Variants in LARS2 observed in about 807,000 individuals in gnomAD.
LARS2 encodes leucyl-tRNA synthetase 2, mitochondrial, also known as leucine--tRNA ligase, mitochondrial.
In LARS2, 81 loss-of-function variants were observed where a neutral mutation model predicts 116.6. The observed-to-expected ratio is 0.69, with a 90% CI of 0.58 to 0.84. The LOEUF is 0.84. Among genes scored for constraint, LARS2 ranks in the 40% least tolerant of loss-of-function variants. The pLI is 0.00. For missense variants in LARS2, 968 were observed against 1,114.5 expected (o/e 0.87, Z 1.87); for synonymous variants, 396 against 407.2 (o/e 0.97, Z 0.33).
At chr3:45,513,031 AG>A (rs1700311900) in intron 15 of LARS2, 103 bp from the exon 16 acceptor site, 1 of 774,418 alleles carries the variant, frequency 1.3e-6, no homozygotes, top group Admixed American at 1.8e-5. Flanking sequence ...TGCTTTTATG[AG>A]GGGCAGCTAC....
intron 7 of LARS2, among the ~76,000 whole-genome samples, chr3:45,457,451 G>T (rs1699231905): frequency 1.3e-5 from 2 of 152,198 alleles, no homozygotes; most frequent in Admixed American, 1.3e-4. Flanking sequence ...GGCCAAGGCG[G>T]GTGGATCACC....
intron 5 of LARS2, 56 bp downstream of exon 5, chr3:45,417,629 T>G (rs1323605919): frequency 7.9e-7 from 1 of 1,259,698 alleles, no homozygotes; most frequent in African/African-American, 1.5e-5. Context: ...TAAAAAATTT[T>G]TTTAACCTGT....
intron 15 of LARS2, among the ~76,000 whole-genome samples, chr3:45,503,262 C>G (rs2125742606): frequency 6.6e-6 from 1 of 152,198 alleles, no homozygotes. Context: ...AGGAGAAATA[C>G]TTTTCTTTCC....
At chr3:45,510,013 C>T (rs1000187804) in intron 15 of LARS2, among the ~76,000 whole-genome samples, 3 of 152,048 alleles carry the variant, frequency 2.0e-5, no homozygotes, top group Non-Finnish European at 4.4e-5. Flanking sequence ...ATCCCCCACC[C>T]CTGCTGCTGG....
intron 15 of LARS2, among the ~76,000 whole-genome samples, chr3:45,505,702 G>T (rs1183846646): frequency 6.6e-6 from 1 of 151,822 alleles, no homozygotes; most frequent in Non-Finnish European, 1.5e-5. Context: ...AAAAAAGTTG[G>T]GGGAATAGCT....
At chr3:45,503,284 A>G (rs1448254881) in intron 15 of LARS2, among the ~76,000 whole-genome samples, 2 of 152,016 alleles carry the variant, frequency 1.3e-5, no homozygotes, top group Admixed American at 1.3e-4. Context: ...CCTATACATC[A>G]CCATGGTCAA....
chr3:45,419,147 A>G (rs1378857986), intron 5 of LARS2, among the ~76,000 whole-genome samples: 1 of 152,190 alleles, frequency 6.6e-6, no homozygotes, highest in Non-Finnish European at 1.5e-5. Flanking sequence ...TCCATGTTAT[A>G]TTATAAGTTG....
intron 12 of LARS2, among the ~76,000 whole-genome samples, chr3:45,491,259 A>C (rs1308548546): frequency 1.3e-5 from 2 of 152,262 alleles, no homozygotes; most frequent in Non-Finnish European, 2.9e-5. Flanking sequence ...CAGAAGAAAA[A>C]AATGAACTTT....
intron 6 of LARS2, among the ~76,000 whole-genome samples, chr3:45,430,936 T>G (rs1308368591): frequency 6.6e-6 from 1 of 152,166 alleles, no homozygotes; most frequent in African/African-American, 2.4e-5. Flanking sequence ...CCTCTAAAAT[T>G]CATATATTGA....
intron 4 of LARS2, among the ~76,000 whole-genome samples, chr3:45,407,418 G>A (rs1698250088): frequency 6.6e-6 from 1 of 152,168 alleles, no homozygotes; most frequent in Non-Finnish European, 1.5e-5. Context: ...ACGAACTGCT[G>A]GTCCAGTGCC....
chr3:45,450,871 A>G (rs187409151), intron 7 of LARS2, among the ~76,000 whole-genome samples: 3 of 152,310 alleles, frequency 2.0e-5, no homozygotes, highest in South Asian at 2.1e-4. Flanking sequence ...ATCTTTTAAT[A>G]GAAGCCATTT....
intron 6 of LARS2, among the ~76,000 whole-genome samples, chr3:45,432,329 C>T (rs1559467327): frequency 6.6e-6 from 1 of 152,098 alleles, no homozygotes. Context: ...ACAGAACACT[C>T]TACATGACAA....
chr3:45,477,176 T>C (rs1300575015), intron 10 of LARS2, among the ~76,000 whole-genome samples: 1 of 152,224 alleles, frequency 6.6e-6, no homozygotes, highest in African/African-American at 2.4e-5. Context: ...TATCAAGTTG[T>C]ACTTGGTCTG....
intron 15 of LARS2, among the ~76,000 whole-genome samples, chr3:45,503,843 A>C (rs1700159006): frequency 6.6e-6 from 1 of 152,062 alleles, no homozygotes; most frequent in African/African-American, 2.4e-5. Context: ...ACCATTTTGT[A>C]ACTACACAGA....
At chr3:45,542,118 C>G (rs552671002) in intron 21 of LARS2, among the ~76,000 whole-genome samples, 162 bp downstream of exon 21, 2 of 152,354 alleles carry the variant, frequency 1.3e-5, no homozygotes, top group Admixed American at 6.5e-5. Flanking sequence ...GCCTGTCTTT[C>G]CTTTGCCAGT....
rs199628482 is a variant in LARS2, at chr3:45,437,241, G to A, written c.517-9650G>A. Among the ~76,000 whole-genome samples, 7 of 152,200 alleles carry A rather than the reference G, an allele frequency of 4.6e-5. No homozygotes were observed. In the East Asian group the frequency reaches 5.8e-4, roughly 13 times the overall value. ...CAAGACCTTTAAGAATAAAATGCAC[G>A]CCCTGTAAAAAGTGTCTAGCATTTG... is the stretch of plus-strand genomic sequence containing the variant. On this transcript the variant is annotated intron_variant, in intron 6 of 21. Coordinates refer to ENST00000645846, the MANE Select transcript of LARS2 (RefSeq NM_015340.4).
chr3:45,400,303 A>G lies in LARS2; in HGVS notation c.293A>G (p.His98Arg). 2 of 1,614,076 alleles carry G rather than the reference A, an allele frequency of 1.2e-6. No individual in the cohort carries two copies. Among genetic ancestry groups the G allele is most frequent in the Non-Finnish European group, 1.7e-6 (2 of 1,179,950 alleles). The change falls in exon 4 of 22, where the codon CAC (histidine) becomes CGC (arginine). Residue 98 changes from histidine to arginine, a missense_variant. Physicochemically the swap from His to Arg is conservative, Grantham distance 29. Coordinates refer to ENST00000645846, the MANE Select transcript of LARS2 (RefSeq NM_015340.4). The stretch of plus-strand genomic sequence containing the variant: ...TTCCCTTATCCTTCTGGTAAGCTGC[A>G]CATGGGCCATGTGCGTGTCTACACC... ...SMFPYPSGKL[H>R]MGHVRVYTIS...
chr3:45,547,072 A>C (rs1014763151), intron 21 of LARS2, among the ~76,000 whole-genome samples: 1 of 152,226 alleles, frequency 6.6e-6, no homozygotes, highest in African/African-American at 2.4e-5. Flanking sequence ...GTATGGGAGC[A>C]GTGCTCAGAA....
At chr3:45,465,296 T>G (rs1007542697) in intron 8 of LARS2, among the ~76,000 whole-genome samples, 5 of 152,226 alleles carry the variant, frequency 3.3e-5, no homozygotes, top group Admixed American at 1.3e-4. Flanking sequence ...TCTCCTAAGC[T>G]ATTCTAAACT....
Sources: allele counts gnomAD v4.1 joint callset (sites outside exome capture counted in the v4.1 genomes callset), GRCh38; gene constraint gnomAD v4.1.1; transcripts MANE v1.5; gene names NCBI Gene and HGNC (gene_info 2026-07-23, HGNC 2026-07-21).